Variants in TP53BP1 observed in about 807,000 individuals in gnomAD.
TP53BP1 encodes tumor protein p53 binding protein 1.
TP53BP1 carries 61 observed loss-of-function variants against 200.8 expected under a neutral mutation model. The ratio of observed to expected loss-of-function variants is 0.30; its 90% CI spans 0.25 to 0.38. The LOEUF is 0.38. TP53BP1 is among the 10% of genes least tolerant of loss of function. TP53BP1 has a pLI of 1.00. For missense variants in TP53BP1, 2,144 were observed against 2,371.9 expected (o/e 0.90, Z 2.00); for synonymous variants, 822 against 844.3 (o/e 0.97, Z 0.46).
At chr15:43,422,661 CA>C (rs1224901482) in intron 18 of TP53BP1, among the ~76,000 whole-genome samples, 2 of 152,110 alleles carry the variant, frequency 1.3e-5, no homozygotes, top group African/African-American at 4.8e-5. Flanking sequence ...CATTACCTTT[CA>C]ATAACTGATC....
intron 26 of TP53BP1, 142 bp from the exon 27 acceptor site, chr15:43,408,230 C>T (rs1426051933): frequency 1.2e-5 from 10 of 856,618 alleles, no homozygotes; most frequent in Non-Finnish European, 1.7e-5. Flanking sequence ...GTAATCCCAG[C>T]ACTTTGGGAG....
chr15:43,442,147 G>A (rs1282660257), intron 14 of TP53BP1, among the ~76,000 whole-genome samples: 3 of 147,232 alleles, frequency 2.0e-5, no homozygotes, highest in Non-Finnish European at 4.5e-5. Context: ...GTGCAGTGGC[G>A]CAATCTCGGC....
intron 4 of TP53BP1, among the ~76,000 whole-genome samples, chr15:43,490,387 C>A (rs1230819843): frequency 6.6e-6 from 1 of 151,800 alleles, no homozygotes; most frequent in South Asian, 2.1e-4. Flanking sequence ...CACACCCAGT[C>A]CTTTTTTTTT....
chr15:43,408,209 G>A (rs1417869375), intron 26 of TP53BP1, 121 bp from the exon 27 acceptor site: 1 of 1,033,076 alleles, frequency 9.7e-7, no homozygotes, highest in South Asian at 1.6e-5. Context: ...CAGACATAGT[G>A]TCTCAAGCCT....
At chr15:43,474,605 T>A in intron 10 of TP53BP1, 68 bp downstream of exon 10, 1 of 1,100,674 alleles carries the variant, frequency 9.1e-7, no homozygotes. Flanking sequence ...AGTAGTACAT[T>A]TTGCAAGGCA....
intron 23 of TP53BP1, chr15:43,413,952 T>C (rs2045198806): frequency 5.5e-6 from 2 of 363,052 alleles, no homozygotes; most frequent in Non-Finnish European, 1.1e-5. Flanking sequence ...CTCAACTGAA[T>C]TAGTTTTCAA....
intron 13 of TP53BP1, chr15:43,446,913 G>T: frequency 1.3e-6 from 1 of 740,948 alleles, no homozygotes; most frequent in Non-Finnish European, 2.2e-6. Context: ...TCCCAGCACT[G>T]ACTAGAGAAA....
At position 43,467,870 on chromosome 15, in the gene TP53BP1, G is replaced by A. The variant is rs534403189; in HGVS notation, c.1389+1988C>T. Among the ~76,000 whole-genome samples the A allele has an allele frequency of 8.6e-5, 13 of 151,296 alleles. No homozygotes were observed. The East Asian group carries it at 2.3e-3, about 27-fold the overall frequency. The stretch of plus-strand genomic sequence containing the variant: ...GCGATCTCAGCTCACTGTAACCTCT[G>A]CCTCCTAGGTTCAAGCGATTCTCCT... On this transcript the variant is annotated intron_variant, in intron 11 of 27. Coordinates refer to ENST00000382044, the MANE Select transcript of TP53BP1 (RefSeq NM_001141980.3).
exon 1 of TP53BP1, chr15:43,510,513 A>C (rs28489890): frequency 0.015 from 1,912 of 128,786 alleles, 37 homozygotes; most frequent in African/African-American, 0.056. Flanking sequence ...AAAAAACAAA[A>C]AAAAAAAAAA....
intron 1 of TP53BP1, among the ~76,000 whole-genome samples, chr15:43,498,276 A>C (rs1337939279): frequency 6.6e-6 from 1 of 152,244 alleles, no homozygotes; most frequent in Non-Finnish European, 1.5e-5. Context: ...AATGTACTGA[A>C]TTATTACAAA....
At chr15:43,492,919 CCCTTCCCCGT>C in intron 1 of TP53BP1, 108 bp downstream of exon 1, 1 of 1,316,124 alleles carries the variant, frequency 7.6e-7, no homozygotes. Context: ...GCCCTCCAAC[CCCTTCCCCGT>C]CACCGCCGCC....
chr15:43,412,268 TCACA>T (rs1347030533), intron 24 of TP53BP1, among the ~76,000 whole-genome samples: 2 of 152,196 alleles, frequency 1.3e-5, no homozygotes, highest in African/African-American at 4.8e-5. Context: ...ATGCCAACCC[TCACA>T]GATGTCCAGT....
Position 43,420,752 on chromosome 15 carries a change from G to T in TP53BP1, c.4251-17C>A. 6.2e-7 allele frequency: 1 copy of T among 1,600,856 alleles called. No individual in the cohort carries two copies. The highest frequency in any genetic ancestry group is 1.1e-5 in the South Asian group (1 of 89,608). On this transcript the variant is annotated splice_polypyrimidine_tract_variant and intron_variant, in intron 20 of 27. Transcript: ENST00000382044. ...GCTGTTTCTCTAAAGAGAGATAGGG[G>T]ATAGGAGAAGCCGGTGAGAACAAGA... is the stretch of plus-strand genomic sequence containing the variant.
At position 43,481,032 on chromosome 15, in the gene TP53BP1, A is replaced by AGAAGGATATAATCAT; in HGVS notation, c.372-25_372-11dup. On this transcript the variant is annotated splice_polypyrimidine_tract_variant and intron_variant, in intron 4 of 27. Coordinates refer to ENST00000382044, the MANE Select transcript of TP53BP1 (RefSeq NM_001141980.3). ...TGACATTCCCAGAACACTACACAGC[A>AGAAGGATATAATCAT]GAAGGATATAATCATGTGTTCCCAG... The AGAAGGATATAATCAT allele has an allele frequency of 1.2e-6, 2 of 1,613,996 alleles. No homozygotes were observed. Among genetic ancestry groups the AGAAGGATATAATCAT allele is most frequent in the Non-Finnish European group, 1.7e-6 (2 of 1,179,978 alleles).
intron 4 of TP53BP1, among the ~76,000 whole-genome samples, chr15:43,481,460 T>TACAC (rs61433356): frequency 0.16 from 22,596 of 143,588 alleles, 1,878 homozygotes; most frequent in East Asian, 0.25. Flanking sequence ...TGTATATAAA[T>TACAC]ACACACACAC....
intron 4 of TP53BP1, among the ~76,000 whole-genome samples, chr15:43,482,023 C>A (rs749523952): frequency 1.1e-4 from 17 of 150,378 alleles, no homozygotes; most frequent in Non-Finnish European, 1.6e-4. Flanking sequence ...ATCAGGAGAT[C>A]GAGACCATCC....
At chr15:43,457,574 A>C (rs1178588460) in intron 11 of TP53BP1, among the ~76,000 whole-genome samples, 1 of 143,306 alleles carries the variant, frequency 7.0e-6, no homozygotes, top group Non-Finnish European at 1.5e-5. Flanking sequence ...TGGGAGGCTG[A>C]GGCAGGAGAA....
chr15:43,452,063 A>G (rs940013011), intron 12 of TP53BP1, among the ~76,000 whole-genome samples: 1 of 152,204 alleles, frequency 6.6e-6, no homozygotes, highest in African/African-American at 2.4e-5. Context: ...TGAACCTGGG[A>G]GGCGGAGGTT....
intron 16 of TP53BP1, among the ~76,000 whole-genome samples, chr15:43,436,286 A>T (rs1392748877): frequency 6.6e-6 from 1 of 152,130 alleles, no homozygotes; most frequent in African/African-American, 2.4e-5. Flanking sequence ...CATGCTACTT[A>T]TATCACTGTT....
Sources: gnomAD v4.1 joint callset for allele counts (sites outside exome capture counted in the v4.1 genomes callset) on GRCh38, gnomAD v4.1.1 for gene constraint, MANE v1.5 for transcripts, NCBI Gene and HGNC (gene_info 2026-07-23, HGNC 2026-07-21) for gene names.